Variants in RGS7 observed in about 807,000 individuals in gnomAD.
RGS7 encodes regulator of G-protein signaling 7.
A neutral mutation model predicts 81.1 loss-of-function variants in RGS7; 27 were observed. The observed-to-expected ratio is 0.33, with a 90% CI of 0.25 to 0.46. The LOEUF (loss-of-function observed/expected upper bound fraction) is 0.46, where lower values mean the gene tolerates loss of function less well. Among genes scored for constraint, RGS7 ranks in the 20% least tolerant of loss-of-function variants. The pLI, the probability that RGS7 is intolerant of heterozygous loss-of-function variation, is 1.00. For synonymous variants in RGS7, 208 were observed against 207.7 expected (o/e 1.00, Z -0.01); for missense variants, 396 against 607.4 (o/e 0.65, Z 3.66).
chr1:240,865,100 C>G (rs1662991827), intron 9 of RGS7, among the ~76,000 whole-genome samples: 1 of 152,008 alleles, frequency 6.6e-6, no homozygotes, highest in Non-Finnish European at 1.5e-5. Flanking sequence ...ATTTAATGTT[C>G]AACTAACACT....
chr1:241,184,115 G>T (rs1200515977), intron 2 of RGS7, among the ~76,000 whole-genome samples: 2 of 152,102 alleles, frequency 1.3e-5, no homozygotes. Context: ...GAAAAGTAGA[G>T]AAATAATGAA....
rs756096024 is a variant in RGS7 at position 240,868,578 on chromosome 1, C to T, written c.609+9G>A. 3 of 1,613,746 alleles carry T rather than the reference C, an allele frequency of 1.9e-6. No individual in the cohort carries two copies. The highest frequency in any genetic ancestry group is 1.7e-5 in the Admixed American group (1 of 60,002). Reference sequence around the variant, plus strand: ...ATGGATTCAAGACGAGAGTGCGACGCTTGCTTACCACGGGCCTGTGCACGT... The same window carrying T: ...ATGGATTCAAGACGAGAGTGCGACGTTTGCTTACCACGGGCCTGTGCACGT... On this transcript the variant is annotated intron_variant, in intron 9 of 18. Coordinates refer to ENST00000440928, the MANE Select transcript of RGS7 (RefSeq NM_001364886.1). The surrounding 1 kb of genome is among the most constrained non-coding windows in gnomAD (Gnocchi z 5.1).
chr1:240,897,765 AGGCTTTG>A (rs1437187833), intron 6 of RGS7, among the ~76,000 whole-genome samples: 1 of 152,212 alleles, frequency 6.6e-6, no homozygotes, highest in Non-Finnish European at 1.5e-5. Flanking sequence ...AGTTTCTGCC[AGGCTTTG>A]GTATCAGGAT....
At chr1:241,057,258 C>T (rs373270461) in intron 3 of RGS7, among the ~76,000 whole-genome samples, 4 of 152,248 alleles carry the variant, frequency 2.6e-5, no homozygotes, top group South Asian at 2.1e-4. Context: ...AGTTATTTAA[C>T]GTTCCAGTCC....
rs192161916 is a variant in RGS7 at position 240,813,862 on chromosome 1, T to A, written c.846-134A>T. 492 of 679,500 alleles carry A rather than the reference T, an allele frequency of 7.2e-4. 2 individuals carry two copies. In the African/African-American group the frequency reaches 7.7e-3, roughly 11 times the overall value. 42.1% of individuals were successfully genotyped at this position (679,500 alleles called of 1,614,324 possible). On this transcript the variant is annotated intron_variant, in intron 12 of 18. Transcript: ENST00000440928. ...CTTAAAGCATGAAATCCAATGGCAA[T>A]CTTCACGCTTCAGTAACTTTCATGC...
At chr1:240,850,379 T>C (rs1334959148) in intron 9 of RGS7, among the ~76,000 whole-genome samples, 1 of 152,198 alleles carries the variant, frequency 6.6e-6, no homozygotes, top group East Asian at 1.9e-4. Context: ...TCAGTGATGC[T>C]TGATGTTATT....
At chr1:240,838,219 T>C (rs1264005388) in intron 9 of RGS7, among the ~76,000 whole-genome samples, 3 of 152,234 alleles carry the variant, frequency 2.0e-5, no homozygotes, top group African/African-American at 4.8e-5. Flanking sequence ...AGAAGGTTCC[T>C]TCTTGCTGTT....
chr1:241,210,152 TA>T, intron 2 of RGS7, among the ~76,000 whole-genome samples: 1 of 151,978 alleles, frequency 6.6e-6, no homozygotes, highest in African/African-American at 2.4e-5. Flanking sequence ...CATATATATA[TA>T]TATTTTTTCT....
intron 3 of RGS7, among the ~76,000 whole-genome samples, chr1:241,072,537 A>G (rs2062536470): frequency 6.6e-6 from 1 of 152,030 alleles, no homozygotes; most frequent in African/African-American, 2.4e-5. Flanking sequence ...GGACCGTAAA[A>G]CCATTCAGCT....
chr1:241,059,184 C>G (rs2148827232), intron 3 of RGS7, among the ~76,000 whole-genome samples: 1 of 152,274 alleles, frequency 6.6e-6, no homozygotes, highest in African/African-American at 2.4e-5. Flanking sequence ...TTACCTAGAT[C>G]TACAATGTTG....
intron 9 of RGS7, among the ~76,000 whole-genome samples, chr1:240,845,309 T>C (rs979814847): frequency 1.3e-5 from 2 of 152,202 alleles, no homozygotes; most frequent in South Asian, 2.1e-4. Context: ...ACAATGGACA[T>C]ATACTGCCCT....
Position 241,226,714 on chromosome 1 carries a change from G to A in RGS7, c.79-127952C>T, listed in dbSNP as rs116407131. 1.1e-3 allele frequency among the ~76,000 whole-genome samples: 162 copies of A among 152,308 alleles called. 1 individual carries two copies. The highest frequency in any genetic ancestry group is 3.6e-3 in the African/African-American group (148 of 41,574). Reference sequence around the variant, plus strand: ...CTTCATTCCATGAGCAGGTGACACCGAGCTGAACATTGATGCATAAGCAGA... The same window carrying A: ...CTTCATTCCATGAGCAGGTGACACCAAGCTGAACATTGATGCATAAGCAGA... On this transcript the variant is annotated intron_variant, in intron 2 of 18. Coordinates refer to ENST00000440928, the MANE Select transcript of RGS7 (RefSeq NM_001364886.1).
intron 2 of RGS7, among the ~76,000 whole-genome samples, chr1:241,108,057 T>C (rs201610760): frequency 6.6e-6 from 1 of 152,006 alleles, no homozygotes; most frequent in Non-Finnish European, 1.5e-5. Context: ...CACTTTGGGA[T>C]GCCGAGGCGG....
intron 2 of RGS7, among the ~76,000 whole-genome samples, chr1:241,228,198 T>C (rs1377943947): frequency 2.6e-5 from 4 of 152,136 alleles, no homozygotes; most frequent in African/African-American, 7.2e-5. Context: ...GAGTATCAGG[T>C]GAGCCCAGCG....
At chr1:241,302,708 C>T (rs1011486498) in intron 2 of RGS7, among the ~76,000 whole-genome samples, 1 of 152,078 alleles carries the variant, frequency 6.6e-6, no homozygotes, top group Non-Finnish European at 1.5e-5. Flanking sequence ...CTCTAGTGTA[C>T]GTATGATTCA....
chr1:241,331,485 A>G (rs1301900240), intron 2 of RGS7, among the ~76,000 whole-genome samples: 2 of 152,180 alleles, frequency 1.3e-5, no homozygotes, highest in African/African-American at 4.8e-5. Flanking sequence ...ATAGTGACTC[A>G]CATATGATAA....
chr1:240,863,491 T>G (rs372289584), intron 9 of RGS7, among the ~76,000 whole-genome samples: 1 of 152,064 alleles, frequency 6.6e-6, no homozygotes, highest in African/African-American at 2.4e-5. Context: ...CATAAATAAA[T>G]AAAAATAAAA....
At position 241,354,783 on chromosome 1, in the gene RGS7, T is replaced by C. The variant is rs188969650; in HGVS notation, c.78+916A>G. 3.6e-3 allele frequency among the ~76,000 whole-genome samples: 554 copies of C among 152,332 alleles called. 4 individuals carry two copies. Among genetic ancestry groups the C allele is most frequent in the Non-Finnish European group, 4.6e-3 (313 of 68,016 alleles). On this transcript the variant is annotated intron_variant, in intron 2 of 18. Coordinates refer to ENST00000440928, the MANE Select transcript of RGS7 (RefSeq NM_001364886.1). Reference sequence around the variant, plus strand: ...GTGTTTCAAAGCATGACTTCCTTTTTACCATTGTTAGTGTTAACTAAAGAA... The same window carrying C: ...GTGTTTCAAAGCATGACTTCCTTTTCACCATTGTTAGTGTTAACTAAAGAA...
At chr1:241,108,185 T>TC (rs536419668) in intron 2 of RGS7, among the ~76,000 whole-genome samples, 38 of 150,680 alleles carry the variant, frequency 2.5e-4, no homozygotes, top group African/African-American at 9.3e-4. Context: ...GCGCCTGTAA[T>TC]CCCAGCTATC....
Sources: allele counts gnomAD v4.1 joint callset (sites outside exome capture counted in the v4.1 genomes callset), GRCh38; gene constraint gnomAD v4.1.1; non-coding constraint Gnocchi (gnomAD v3.1); transcripts MANE v1.5; gene names NCBI Gene and HGNC (gene_info 2026-07-23, HGNC 2026-07-21).